The following CACNA1E variants were observed in gnomAD, a reference collection of about 807,000 sequenced individuals.
CACNA1E encodes voltage-dependent R-type calcium channel subunit alpha-1E.
A neutral mutation model predicts 259.2 loss-of-function variants in CACNA1E; 40 were observed. The ratio of observed to expected loss-of-function variants is 0.15; its 90% confidence interval spans 0.12 to 0.20. CACNA1E has a LOEUF of 0.20. CACNA1E is among the 10% of genes least tolerant of loss of function. CACNA1E has a pLI of 1.00. For missense variants in CACNA1E, 1,874 were observed against 3,040.1 expected, an observed-to-expected ratio of 0.62 and a Z score of 9.02; for synonymous variants, 1,104 against 1,138.5, an observed-to-expected ratio of 0.97 and a Z score of 0.61.
At chr1:181,381,469 G>A (rs370139630) in intron 1 of CACNA1E, among the ~76,000 whole-genome samples, 35 of 152,286 alleles carry the variant, frequency 2.3e-4, no homozygotes, top group African/African-American at 8.4e-4. Context: ...TATAGTGACA[G>A]AAAGCATATC....
At chr1:181,762,736 A>AT in intron 33 of CACNA1E, 79 bp downstream of exon 33, 1 of 819,468 alleles carries the variant, frequency 1.2e-6, no homozygotes, top group Non-Finnish European at 2.0e-6. Flanking sequence ...TATTCAGTCC[A>AT]TTTTTAACCC....
chr1:181,696,560 G>T (rs1396834308), intron 7 of CACNA1E, among the ~76,000 whole-genome samples: 2 of 152,140 alleles, frequency 1.3e-5, no homozygotes, highest in Non-Finnish European at 2.9e-5. Context: ...TATTGCAAAG[G>T]AGTAGATTAA....
chr1:181,462,084 A>G (rs1374054894), intron 2 of CACNA1E, among the ~76,000 whole-genome samples: 2 of 152,222 alleles, frequency 1.3e-5, no homozygotes, highest in Admixed American at 6.5e-5. Context: ...TAGTTTTACC[A>G]TGTGATTTTG....
At chr1:181,663,499 T>C (rs1178984107) in intron 7 of CACNA1E, among the ~76,000 whole-genome samples, 1 of 152,240 alleles carries the variant, frequency 6.6e-6, no homozygotes, top group Non-Finnish European at 1.5e-5. Flanking sequence ...CCTGATATCT[T>C]AGTGCCTTGT....
chr1:181,649,690 A>T (rs979032181), intron 6 of CACNA1E, among the ~76,000 whole-genome samples: 2 of 152,178 alleles, frequency 1.3e-5, no homozygotes, highest in Admixed American at 6.5e-5. Flanking sequence ...AAATGAGAAC[A>T]TGTTCTTTGC....
chr1:181,382,545 C>T (rs1251358765), intron 1 of CACNA1E, among the ~76,000 whole-genome samples: 1 of 151,962 alleles, frequency 6.6e-6, no homozygotes, highest in Non-Finnish European at 1.5e-5. Context: ...TTGATAAAAC[C>T]CAGTGTGTCT....
At chr1:181,378,064 GA>G (rs1266005623) in intron 1 of CACNA1E, among the ~76,000 whole-genome samples, 2 of 152,234 alleles carry the variant, frequency 1.3e-5, no homozygotes, top group African/African-American at 4.8e-5. Flanking sequence ...GATGGTAATA[GA>G]AATGGGTAAA....
At chr1:181,450,544 G>T (rs1661095795) in intron 2 of CACNA1E, among the ~76,000 whole-genome samples, 1 of 152,098 alleles carries the variant, frequency 6.6e-6, no homozygotes, top group African/African-American at 2.4e-5. Flanking sequence ...AGAGGCCAGA[G>T]ATAATTTGGC....
intron 1 of CACNA1E, among the ~76,000 whole-genome samples, chr1:181,409,279 C>T (rs978415371): frequency 1.3e-5 from 2 of 152,220 alleles, no homozygotes; most frequent in African/African-American, 4.8e-5. Flanking sequence ...TTTTCTGGCC[C>T]TTTGCAGTGT....
chr1:181,777,447 A>G (rs1229869681), intron 38 of CACNA1E, among the ~76,000 whole-genome samples: 3 of 152,244 alleles, frequency 2.0e-5, no homozygotes, highest in Non-Finnish European at 4.4e-5. Flanking sequence ...AGGGTGAATC[A>G]GAATTCTTTC....
rs1329854366 is a variant in CACNA1E, at chr1:181,798,272, A to G, written c.6400-20A>G. Reference sequence around the variant, plus strand: ...CATGCCAAGCCCAATCTAACATGCCATGTCTCTCCTGCTATACAGGGCACA... The same window carrying G: ...CATGCCAAGCCCAATCTAACATGCCGTGTCTCTCCTGCTATACAGGGCACA... On this transcript the variant is annotated intron_variant, in intron 47 of 47. Coordinates refer to ENST00000367573, the MANE Select transcript of CACNA1E (RefSeq NM_001205293.3). The surrounding 1 kb of genome is among the most constrained non-coding windows in gnomAD (Gnocchi z 4.2). The G allele has an allele frequency of 1.9e-6, 3 of 1,559,188 alleles. No homozygotes were observed. The highest frequency in any genetic ancestry group is 1.7e-6 in the Non-Finnish European group (2 of 1,151,870).
At chr1:181,432,706 A>G (rs1403093440) in intron 2 of CACNA1E, among the ~76,000 whole-genome samples, 1 of 152,158 alleles carries the variant, frequency 6.6e-6, no homozygotes, top group Non-Finnish European at 1.5e-5. Flanking sequence ...CCCCTCTCTC[A>G]CTAACTAGCT....
intron 1 of CACNA1E, among the ~76,000 whole-genome samples, chr1:181,490,123 C>T (rs1664182745): frequency 1.3e-5 from 2 of 152,138 alleles, no homozygotes; most frequent in African/African-American, 4.8e-5. Flanking sequence ...AAATATGTTT[C>T]CTTATAAAGC....
At chr1:181,710,205 C>A in intron 7 of CACNA1E, among the ~76,000 whole-genome samples, 1 of 152,040 alleles carries the variant, frequency 6.6e-6, no homozygotes, top group Non-Finnish European at 1.5e-5. Context: ...ACCCCACCCC[C>A]ACCACCTTCC....
Position 181,483,620 on chromosome 1 carries a change from A to G in CACNA1E, c.-125A>G. 1.7e-6 allele frequency: 1 copy of G among 574,682 alleles called. No individual in the cohort carries two copies. The highest frequency in any genetic ancestry group is 2.9e-6 in the Non-Finnish European group (1 of 342,228). The allele number at this position is 574,682 out of a possible 1,614,324, so 35.6% of individuals were successfully genotyped here. A position where few individuals can be genotyped will look rare whatever the true frequency, so the allele number is the denominator to read the frequency against. ...CCGAAGAGCTCGCGGAGCTCCCCAG[A>G]GGCGGTGGTCCCCGTGCTTGTCTGG... On this transcript the variant is annotated 5_prime_UTR_variant, in exon 1 of 48. Transcript: ENST00000367573.
chr1:181,327,344 CAG>C (rs1464796196), intron 1 of CACNA1E, among the ~76,000 whole-genome samples: 9 of 152,156 alleles, frequency 5.9e-5, no homozygotes, highest in South Asian at 2.1e-4. Context: ...CAACTCCTCT[CAG>C]AGAAAGCAGG....
chr1:181,590,093 G>A (rs373544958), intron 6 of CACNA1E, among the ~76,000 whole-genome samples: 1 of 152,124 alleles, frequency 6.6e-6, no homozygotes, highest in African/African-American at 2.4e-5. Flanking sequence ...AGTTCCCTAT[G>A]TTGCAGTTAG....
chr1:181,450,932 A>T (rs1661117735), intron 2 of CACNA1E, among the ~76,000 whole-genome samples: 2 of 152,270 alleles, frequency 1.3e-5, no homozygotes, highest in South Asian at 4.1e-4. Context: ...AAAGAGTAGG[A>T]CTTTGTGATT....
chr1:181,376,588 C>G (rs780577004), intron 1 of CACNA1E, among the ~76,000 whole-genome samples: 2 of 152,182 alleles, frequency 1.3e-5, no homozygotes, highest in Non-Finnish European at 2.9e-5. Context: ...AGGCCCCTCA[C>G]AGCTTGGGGC....
Sources: gnomAD v4.1 joint callset for allele counts (sites outside exome capture counted in the v4.1 genomes callset) on GRCh38, gnomAD v4.1.1 for gene constraint, Gnocchi (gnomAD v3.1) non-coding constraint, MANE v1.5 for transcripts, NCBI Gene and HGNC (gene_info 2026-07-23, HGNC 2026-07-21) for gene names.